TJP1: variants seen among roughly 807,000 people sequenced by gnomAD.
The protein encoded by TJP1 is tight junction protein ZO-1.
TJP1 carries 43 observed loss-of-function variants against 194.2 expected under a neutral mutation model. That is an observed-to-expected ratio of 0.22 (90% CI 0.17 to 0.29). TJP1 has a LOEUF of 0.29. Among genes scored for constraint, TJP1 ranks in the 10% least tolerant of loss-of-function variants. The probability of loss-of-function intolerance (pLI) is 1.00; values close to 1 mark genes in which losing one functional copy is unlikely to be tolerated. For missense variants in TJP1, 1,971 were observed against 2,185.7 expected (o/e 0.90, Z 1.96); for synonymous variants, 801 against 779.0 (o/e 1.03, Z -0.47).
intron 2 of TJP1, among the ~76,000 whole-genome samples, chr15:29,778,575 T>C (rs537597136): frequency 4.6e-5 from 7 of 152,262 alleles, no homozygotes; most frequent in African/African-American, 1.4e-4. Context: ...CCTAATCCAA[T>C]AGATCCTTGC....
At chr15:29,920,729 G>T (rs773460781) in intron 2 of TJP1, among the ~76,000 whole-genome samples, 2 of 152,180 alleles carry the variant, frequency 1.3e-5, no homozygotes, top group Non-Finnish European at 2.9e-5. Context: ...CTCCTGCTGA[G>T]CAAGGGAACT....
chr15:29,825,346 C>T (rs897433882), upstream of TJP1, among the ~76,000 whole-genome samples: 7 of 152,144 alleles, frequency 4.6e-5, no homozygotes, highest in African/African-American at 1.7e-4. Flanking sequence ...TTTAGAGTTA[C>T]TATAATGTTT....
intron 2 of TJP1, among the ~76,000 whole-genome samples, chr15:29,778,098 A>G (rs927969623): frequency 5.3e-5 from 8 of 152,184 alleles, no homozygotes; most frequent in African/African-American, 1.7e-4. Context: ...GCGAGCATAC[A>G]TTTAAAAAAA....
intron 25 of TJP1, among the ~76,000 whole-genome samples, chr15:29,706,309 A>G (rs545012016): frequency 6.6e-6 from 1 of 152,342 alleles, no homozygotes; most frequent in Non-Finnish European, 1.5e-5. Flanking sequence ...TCAATTTTTG[A>G]AGGCAATTAG....
intron 2 of TJP1, among the ~76,000 whole-genome samples, chr15:29,907,130 C>T (rs1033203249): frequency 3.3e-5 from 5 of 152,060 alleles, no homozygotes; most frequent in African/African-American, 1.2e-4. Context: ...TTGAAAAAGG[C>T]CAGGTACGGT....
intron 2 of TJP1, among the ~76,000 whole-genome samples, chr15:29,789,186 A>G (rs2047910515): frequency 6.6e-6 from 1 of 152,154 alleles, no homozygotes; most frequent in Non-Finnish European, 1.5e-5. Flanking sequence ...TTTATATTAT[A>G]CTGCTACTGG....
chr15:29,885,012 C>G (rs543255019), intron 2 of TJP1, among the ~76,000 whole-genome samples: 1 of 152,236 alleles, frequency 6.6e-6, no homozygotes, highest in Admixed American at 6.5e-5. Flanking sequence ...GGGGCTGCAG[C>G]CTTCAAAGGA....
chr15:29,731,822 T>C (rs531341921), intron 15 of TJP1, among the ~76,000 whole-genome samples: 1 of 151,760 alleles, frequency 6.6e-6, no homozygotes, highest in African/African-American at 2.4e-5. Flanking sequence ...AAAAAGAAAG[T>C]AAATAAAACA....
Position 29,718,462 on chromosome 15 carries a change from A to G in TJP1, c.3680T>C (p.Ile1227Thr). 1 of 1,614,162 alleles carries G rather than the reference A, an allele frequency of 6.2e-7. No homozygotes were observed. Among genetic ancestry groups the G allele is most frequent in the Non-Finnish European group, 8.5e-7 (1 of 1,180,032 alleles). The change falls in exon 21 of 28, where the codon ATA becomes ACA. Residue 1227 changes from isoleucine to threonine, a missense_variant. Physicochemically the swap from Ile to Thr is moderately conservative, Grantham distance 89. Around this residue, in one of 5 missense-constraint regions of TJP1, gnomAD observed 1,108 missense variants for 1,128.5 expected, o/e 0.98. Coordinates refer to ENST00000614355, the MANE Select transcript of TJP1 (RefSeq NM_001330239.4). ...LHGAAAVPPL[I>T]PSSQHKPEAL... is the part of the protein sequence containing the mutation. Reference sequence around the variant, plus strand: ...TTCTGGCTTATGCTGAGATGAAGGTATCAGCGGAGGGACAGCTGCAGCACC... The same window carrying G: ...TTCTGGCTTATGCTGAGATGAAGGTGTCAGCGGAGGGACAGCTGCAGCACC...
chr15:29,741,737 GC>G (rs1227534537), intron 9 of TJP1, among the ~76,000 whole-genome samples: 1 of 152,182 alleles, frequency 6.6e-6, no homozygotes, highest in Non-Finnish European at 1.5e-5. Flanking sequence ...AGTTAAGACT[GC>G]CAAAGTAGCT....
At chr15:29,788,294 CA>C (rs1008437689) in intron 2 of TJP1, among the ~76,000 whole-genome samples, 3 of 151,926 alleles carry the variant, frequency 2.0e-5, no homozygotes, top group Non-Finnish European at 4.4e-5. Context: ...CTTTGAAGCA[CA>C]AAAGTTTCTA....
chr15:29,906,974 C>T (rs1567183565), intron 2 of TJP1, among the ~76,000 whole-genome samples: 1 of 152,060 alleles, frequency 6.6e-6, no homozygotes, highest in Non-Finnish European at 1.5e-5. Context: ...CAGTATGATT[C>T]TAATTTTGTT....
chr15:29,746,069 A>G (rs1003523060), intron 8 of TJP1, among the ~76,000 whole-genome samples: 11 of 152,224 alleles, frequency 7.2e-5, no homozygotes, highest in African/African-American at 2.7e-4. Flanking sequence ...AAATAGAATG[A>G]TATGTACAGA....
chr15:29,898,617 G>T (rs2053547983), intron 2 of TJP1, among the ~76,000 whole-genome samples: 1 of 152,066 alleles, frequency 6.6e-6, no homozygotes, highest in Admixed American at 6.5e-5. Flanking sequence ...AATACAGGTG[G>T]AGCACCCCCA....
intron 10 of TJP1, among the ~76,000 whole-genome samples, chr15:29,738,119 C>G (rs996011970): frequency 6.6e-6 from 1 of 151,994 alleles, no homozygotes; most frequent in African/African-American, 2.4e-5. Flanking sequence ...GTGTTGAAAC[C>G]TTGTGACATT....
intron 2 of TJP1, among the ~76,000 whole-genome samples, chr15:29,795,804 T>C (rs576218741): frequency 6.6e-6 from 1 of 152,184 alleles, no homozygotes; most frequent in Middle Eastern, 3.4e-3. Flanking sequence ...ATGGATAACA[T>C]GTAAACAATC....
chr15:29,726,711 T>C, intron 17 of TJP1, 70 bp downstream of exon 17: 2 of 1,429,574 alleles, frequency 1.4e-6, no homozygotes, highest in South Asian at 2.4e-5. Context: ...TTGAACACCG[T>C]AACATTTTGG....
At chr15:29,931,673 C>T (rs2054718923) in intron 2 of TJP1, among the ~76,000 whole-genome samples, 1 of 152,112 alleles carries the variant, frequency 6.6e-6, no homozygotes, top group African/African-American at 2.4e-5. Flanking sequence ...AAAGTACTTG[C>T]CCTACTGTTA....
chr15:29,821,833 C>CCCCGCGG lies in TJP1; in HGVS notation c.27+162_27+168dup, dbSNP rs553652689. Among the ~76,000 whole-genome samples the CCCCGCGG allele has an allele frequency of 7.9e-3, 1,156 of 145,542 alleles. 11 individuals are homozygous for CCCCGCGG. The highest frequency in any genetic ancestry group is 0.024 in the African/African-American group (965 of 40,730). On this transcript the variant is annotated intron_variant, in intron 1 of 27. Transcript: ENST00000614355. ...CCGCGCCGCCCCCGCCCGAGGGGCT[C>CCCCGCGG]CCCGCGGCCCGCGGCCCGCGGCCCG...
Sources: gnomAD v4.1 joint callset for allele counts (sites outside exome capture counted in the v4.1 genomes callset) on GRCh38, gnomAD v4.1.1 for gene constraint, gnomAD v4.1.1 regional missense constraint, MANE v1.5 for transcripts, NCBI Gene and HGNC (gene_info 2026-07-23, HGNC 2026-07-21) for gene names.